XXYLT1: variants seen among roughly 807,000 people sequenced by gnomAD.
The protein encoded by XXYLT1 is UDP-xylose:alpha-xyloside alpha-1,3-xylosyltransferase.
A neutral mutation model predicts 28.9 loss-of-function variants in XXYLT1; 20 were observed. That is an observed-to-expected ratio of 0.69 (90% CI 0.49 to 1.00). The LOEUF is 1.00. XXYLT1 is among the 50% of genes least tolerant of loss of function. XXYLT1 has a pLI of 0.00. For missense variants in XXYLT1, 542 were observed against 560.1 expected (o/e 0.97, Z 0.33); for synonymous variants, 257 against 253.8 (o/e 1.01, Z -0.12).
At chr3:195,183,215 C>T (rs1216361985) in intron 2 of XXYLT1, among the ~76,000 whole-genome samples, 1 of 152,188 alleles carries the variant, frequency 6.6e-6, no homozygotes, top group Non-Finnish European at 1.5e-5. Context: ...TTGTAATCCT[C>T]ATAACCCCCA....
chr3:195,188,612 G>A (rs766656595), intron 2 of XXYLT1, among the ~76,000 whole-genome samples: 16 of 152,132 alleles, frequency 1.1e-4, no homozygotes, highest in Non-Finnish European at 2.2e-4. Flanking sequence ...TAACACACTG[G>A]TGCACTCTCG....
At chr3:195,214,637 A>T (rs1204360082) in intron 2 of XXYLT1, 1 of 152,120 alleles carries the variant, frequency 6.6e-6, no homozygotes, top group African/African-American at 2.4e-5. Flanking sequence ...ACTGAGGCTG[A>T]TGGAGCAGGG....
intron 2 of XXYLT1, among the ~76,000 whole-genome samples, chr3:195,194,561 G>C (rs1012219262): frequency 6.6e-6 from 1 of 152,014 alleles, no homozygotes; most frequent in Non-Finnish European, 1.5e-5. Context: ...TCTACTCCTA[G>C]GAATTTACCC....
intron 2 of XXYLT1, among the ~76,000 whole-genome samples, chr3:195,186,598 G>A (rs1395657539): frequency 1.3e-5 from 2 of 152,100 alleles, no homozygotes; most frequent in Admixed American, 6.5e-5. Flanking sequence ...CTGTCTGGAG[G>A]AAGTCTTTAG....
In XXYLT1 at chr3:195,143,880, A is replaced by G. The variant is rs1187458851; in HGVS notation, c.785+12569T>C. Among the ~76,000 whole-genome samples, 7 of 117,904 alleles carry G rather than the reference A, an allele frequency of 5.9e-5. 1 individual carries two copies. Among genetic ancestry groups the G allele is most frequent in the African/African-American group, 1.1e-4 (3 of 26,968 alleles). The allele number at this position is 117,904 out of a possible 152,430, so 77.3% of individuals were successfully genotyped here. A position where few individuals can be genotyped will look rare whatever the true frequency, so the allele number is the denominator to read the frequency against. Reference sequence around the variant, plus strand: ...GATATATATAGATATAGATATATATATATATATATTTATTTTTTATTTTTA... The same window carrying G: ...GATATATATAGATATAGATATATATGTATATATATTTATTTTTTATTTTTA... On this transcript the variant is annotated intron_variant, in intron 3 of 3. Transcript: ENST00000310380.
At chr3:195,194,057 CTG>C (rs1484592186) in intron 2 of XXYLT1, among the ~76,000 whole-genome samples, 1 of 151,846 alleles carries the variant, frequency 6.6e-6, no homozygotes, top group East Asian at 1.9e-4. Flanking sequence ...AATTGATAAA[CTG>C]AACTTCAACA....
chr3:195,154,803 T>C (rs1432588742), intron 3 of XXYLT1, among the ~76,000 whole-genome samples: 1 of 152,250 alleles, frequency 6.6e-6, no homozygotes, highest in Non-Finnish European at 1.5e-5. Flanking sequence ...TCTCCTGCTC[T>C]AAAACTTGCC....
At chr3:195,085,028 T>A (rs1427444194) in intron 3 of XXYLT1, among the ~76,000 whole-genome samples, 1 of 152,204 alleles carries the variant, frequency 6.6e-6, no homozygotes, top group Non-Finnish European at 1.5e-5. Context: ...AGTGTGTGGT[T>A]CATCTGAGCA....
rs531559513 is a variant in XXYLT1 at position 195,255,400 on chromosome 3, G to A, written c.504+15155C>T. 3.3e-5 allele frequency among the ~76,000 whole-genome samples: 5 copies of A among 152,326 alleles called. No individual in the cohort carries two copies. Among genetic ancestry groups the A allele is most frequent in the South Asian group, 4.1e-4 (2 of 4,828 alleles). On this transcript the variant is annotated intron_variant, in intron 1 of 3. Transcript: ENST00000310380. The surrounding 1 kb of genome is among the most constrained non-coding windows in gnomAD (Gnocchi z 4.5). ...GGGCTGGGGACTCAGCTCCATCCAA[G>A]TGGGCTGAGCAGGGCCAGGCAATGG...
chr3:195,203,503 T>C (rs1722941284), intron 2 of XXYLT1, among the ~76,000 whole-genome samples: 1 of 152,076 alleles, frequency 6.6e-6, no homozygotes, highest in African/African-American at 2.4e-5. Flanking sequence ...CTGACAGCAG[T>C]GCAGAGAAGG....
Position 195,210,898 on chromosome 3 carries a change from C to A in XXYLT1, c.652+15811G>T, listed in dbSNP as rs535787601. ...CACCAAGAACCCCTGCTCCTCCCCC[C>A]AGCTGAACGCTGACAGTCAAGGGCA... On this transcript the variant is annotated intron_variant, in intron 2 of 3. Transcript: ENST00000310380. This position sits in a 1 kb window ranked among gnomAD's most constrained non-coding sequence, Gnocchi z 4.8. Among the ~76,000 whole-genome samples the A allele has an allele frequency of 1.1e-4, 16 of 152,194 alleles. No individual in the cohort carries two copies. The highest frequency in any genetic ancestry group is 3.1e-4 in the African/African-American group (13 of 41,456).
chr3:195,123,299 T>C (rs1179087460), intron 3 of XXYLT1, among the ~76,000 whole-genome samples: 3 of 152,032 alleles, frequency 2.0e-5, no homozygotes, highest in African/African-American at 7.2e-5. Context: ...AGGGGCTGCC[T>C]AAACCCCGCC....
intron 1 of XXYLT1, among the ~76,000 whole-genome samples, chr3:195,242,427 G>A (rs372272236): frequency 9.2e-5 from 14 of 152,270 alleles, no homozygotes; most frequent in East Asian, 7.7e-4. Context: ...CTACTGATAC[G>A]ACTTTGATGA....
At chr3:195,126,072 A>T (rs1718604032) in intron 3 of XXYLT1, among the ~76,000 whole-genome samples, 1 of 152,260 alleles carries the variant, frequency 6.6e-6, no homozygotes, top group African/African-American at 2.4e-5. Flanking sequence ...AATCACATGC[A>T]TGCCATAAGG....
intron 1 of XXYLT1, among the ~76,000 whole-genome samples, chr3:195,238,063 G>A (rs886313024): frequency 6.6e-6 from 1 of 152,032 alleles, no homozygotes; most frequent in Non-Finnish European, 1.5e-5. Flanking sequence ...CAAGACCTCC[G>A]ACGACTCGTC....
intron 3 of XXYLT1, among the ~76,000 whole-genome samples, chr3:195,141,195 C>G (rs989834930): frequency 2.0e-5 from 3 of 152,206 alleles, no homozygotes; most frequent in Admixed American, 6.5e-5. Context: ...AACTAAGACA[C>G]TTGGTAAGAT....
intron 3 of XXYLT1, among the ~76,000 whole-genome samples, chr3:195,131,161 G>A (rs1038738014): frequency 2.0e-5 from 3 of 152,164 alleles, no homozygotes; most frequent in African/African-American, 4.8e-5. Context: ...AAGCAGCCTC[G>A]CTTTGTCACA....
Position 195,078,388 on chromosome 3 carries a change from T to G in XXYLT1, c.786-8277A>C, listed in dbSNP as rs1285035500. ...GTAGCGAGTCAGGCCATGGGGGCCT[T>G]TTCTGCTGTGGGAGCTCCTGCAGAG... On this transcript the variant is annotated intron_variant, in intron 3 of 3. Transcript: ENST00000310380. The surrounding 1 kb of genome is among the most constrained non-coding windows in gnomAD (Gnocchi z 5.0). 6.6e-6 allele frequency among the ~76,000 whole-genome samples: 1 copy of G among 151,988 alleles called. No individual in the cohort carries two copies. Among genetic ancestry groups the G allele is most frequent in the Admixed American group, 6.5e-5 (1 of 15,274 alleles).
At chr3:195,228,362 C>G (rs1724147207) in intron 1 of XXYLT1, among the ~76,000 whole-genome samples, 1 of 152,188 alleles carries the variant, frequency 6.6e-6, no homozygotes, top group Non-Finnish European at 1.5e-5. Flanking sequence ...TTCCCTCCAC[C>G]TGCCCTTCCA....
Sources: gnomAD v4.1 joint callset for allele counts (sites outside exome capture counted in the v4.1 genomes callset) on GRCh38, gnomAD v4.1.1 for gene constraint, Gnocchi (gnomAD v3.1) non-coding constraint, MANE v1.5 for transcripts, NCBI Gene and HGNC (gene_info 2026-07-23, HGNC 2026-07-21) for gene names.